ARHGAP24: variants seen among roughly 807,000 people sequenced by gnomAD.
ARHGAP24 encodes the protein Rho GTPase activating protein 24, also known as rho GTPase-activating protein 24.
Under a neutral mutation model 76.4 loss-of-function variants are expected in ARHGAP24, and 50 were observed. The ratio of observed to expected loss-of-function variants is 0.65; its 90% confidence interval spans 0.52 to 0.83. The LOEUF (loss-of-function observed/expected upper bound fraction) is 0.83, where lower values mean the gene tolerates loss of function less well. Ranked by LOEUF, ARHGAP24 falls within the 40% of genes least tolerant of loss-of-function variation. The pLI is 0.00. For missense variants in ARHGAP24, 930 were observed against 914.2 expected (o/e 1.02, Z -0.22); for synonymous variants, 345 against 323.3 (o/e 1.07, Z -0.72).
chr4:85,608,698 T>C (rs1338509748), intron 2 of ARHGAP24, among the ~76,000 whole-genome samples: 2 of 151,636 alleles, frequency 1.3e-5, no homozygotes, highest in African/African-American at 4.8e-5. Context: ...GCAGGGATTA[T>C]AGGTGCGTGC....
intron 2 of ARHGAP24, among the ~76,000 whole-genome samples, chr4:85,628,267 T>C (rs2110010574): frequency 1.3e-5 from 2 of 152,284 alleles, no homozygotes; most frequent in East Asian, 3.9e-4. Context: ...GAGCATGTTG[T>C]TTAGTTTTTC....
intron 2 of ARHGAP24, among the ~76,000 whole-genome samples, chr4:85,617,001 A>T (rs1274391931): frequency 6.6e-6 from 1 of 150,946 alleles, no homozygotes; most frequent in Non-Finnish European, 1.5e-5. Flanking sequence ...TTATTTGCAT[A>T]ACCAAAGTAG....
intron 2 of ARHGAP24, among the ~76,000 whole-genome samples, chr4:85,587,853 G>A (rs927283983): frequency 3.3e-5 from 5 of 152,096 alleles, no homozygotes; most frequent in Non-Finnish European, 7.4e-5. Flanking sequence ...TGTGAAGCTC[G>A]ATTATGATGG....
chr4:85,751,291 T>G (rs555346511), intron 3 of ARHGAP24, among the ~76,000 whole-genome samples: 2 of 152,204 alleles, frequency 1.3e-5, no homozygotes, highest in Non-Finnish European at 2.9e-5. Context: ...GTGCAGAATA[T>G]TTAGATTTTT....
chr4:85,667,410 C>T (rs957972248), intron 2 of ARHGAP24, among the ~76,000 whole-genome samples: 17 of 152,042 alleles, frequency 1.1e-4, no homozygotes, highest in African/African-American at 4.1e-4. Context: ...TCACCCCTGT[C>T]TTTGACTAGG....
At chr4:85,834,986 C>G (rs1730185343) in intron 3 of ARHGAP24, among the ~76,000 whole-genome samples, 1 of 152,148 alleles carries the variant, frequency 6.6e-6, no homozygotes, top group Admixed American at 6.5e-5. Context: ...AATAAAAAAA[C>G]TTCACTCCTT....
chr4:85,558,686 A>C (rs1316578755), intron 1 of ARHGAP24, among the ~76,000 whole-genome samples: 1 of 152,226 alleles, frequency 6.6e-6, no homozygotes, highest in Non-Finnish European at 1.5e-5. Context: ...TAGAAAGCCT[A>C]ATCATTTTGC....
At chr4:85,680,210 A>G (rs1723153750) in intron 2 of ARHGAP24, among the ~76,000 whole-genome samples, 1 of 152,184 alleles carries the variant, frequency 6.6e-6, no homozygotes. Flanking sequence ...AAATAGTCCC[A>G]TTGATATGAA....
chr4:85,833,865 A>G (rs1453179730), intron 3 of ARHGAP24, among the ~76,000 whole-genome samples: 2 of 152,232 alleles, frequency 1.3e-5, no homozygotes, highest in Non-Finnish European at 2.9e-5. Context: ...AAGTGATTTT[A>G]AATATCAGAA....
At chr4:85,557,144 T>G (rs1726414030) in intron 1 of ARHGAP24, among the ~76,000 whole-genome samples, 1 of 152,188 alleles carries the variant, frequency 6.6e-6, no homozygotes, top group Non-Finnish European at 1.5e-5. Context: ...AGCTGCTCCC[T>G]GCCCAAGAAC....
At chr4:85,627,369 C>T (rs574052003) in intron 2 of ARHGAP24, among the ~76,000 whole-genome samples, 2 of 152,250 alleles carry the variant, frequency 1.3e-5, no homozygotes, top group African/African-American at 2.4e-5. Flanking sequence ...GTATCATTAG[C>T]GGTGGCTGCA....
chr4:85,580,571 T>A (rs538980888), intron 2 of ARHGAP24, among the ~76,000 whole-genome samples: 48 of 152,242 alleles, frequency 3.2e-4, no homozygotes, highest in African/African-American at 1.1e-3. Context: ...CCCCTCCACA[T>A]GGCCCCAAAA....
chr4:85,678,599 C>T (rs929444161), intron 2 of ARHGAP24, among the ~76,000 whole-genome samples: 4 of 152,156 alleles, frequency 2.6e-5, no homozygotes, highest in African/African-American at 7.2e-5. Context: ...TCTGATTGTT[C>T]AGACTGTAAT....
At chr4:85,653,138 A>G (rs1722008257) in intron 2 of ARHGAP24, among the ~76,000 whole-genome samples, 1 of 152,236 alleles carries the variant, frequency 6.6e-6, no homozygotes, top group Admixed American at 6.5e-5. Flanking sequence ...GTCAGATACA[A>G]TTTTAAACCA....
At chr4:85,782,474 T>C (rs1370607380) in intron 3 of ARHGAP24, among the ~76,000 whole-genome samples, 1 of 152,194 alleles carries the variant, frequency 6.6e-6, no homozygotes, top group African/African-American at 2.4e-5. Context: ...CATTCACTGA[T>C]AACACCTTAT....
intron 1 of ARHGAP24, among the ~76,000 whole-genome samples, chr4:85,545,094 C>CTTT (rs58607125): frequency 6.7e-6 from 1 of 150,162 alleles, no homozygotes; most frequent in African/African-American, 2.5e-5. Flanking sequence ...TCTACAGTTT[C>CTTT]TTTTTTTTTT....
intron 5 of ARHGAP24, among the ~76,000 whole-genome samples, chr4:85,969,681 C>A (rs1456255721): frequency 6.6e-6 from 1 of 152,004 alleles, no homozygotes; most frequent in Non-Finnish European, 1.5e-5. Context: ...CTTCATGGGG[C>A]AGATATAGCA....
At chr4:85,505,368 T>C (rs1724002835) in intron 1 of ARHGAP24, among the ~76,000 whole-genome samples, 1 of 152,198 alleles carries the variant, frequency 6.6e-6, no homozygotes, top group Non-Finnish European at 1.5e-5. Context: ...CAATCAAACG[T>C]TGATTTGGTC....
intron 2 of ARHGAP24, among the ~76,000 whole-genome samples, chr4:85,675,604 A>G (rs959652997): frequency 2.0e-5 from 3 of 152,306 alleles, no homozygotes; most frequent in African/African-American, 7.2e-5. Context: ...CCGCCTTCCC[A>G]AGATGGTGGG....
Sources: allele counts gnomAD v4.1 joint callset (sites outside exome capture counted in the v4.1 genomes callset), GRCh38; gene constraint gnomAD v4.1.1; transcripts MANE v1.5; gene names NCBI Gene and HGNC (gene_info 2026-07-23, HGNC 2026-07-21).